Variants in C1orf21 observed in about 807,000 individuals in gnomAD.
The protein encoded by C1orf21 is chromosome 1 open reading frame 21.
In C1orf21, 3 loss-of-function variants were observed where a neutral mutation model predicts 18.7. The ratio of observed to expected loss-of-function variants is 0.16; its 90% CI spans 0.07 to 0.42. C1orf21 has a LOEUF of 0.42. C1orf21 is among the 10% of genes least tolerant of loss of function. The pLI, the probability that C1orf21 is intolerant of heterozygous loss-of-function variation, is 0.99. For synonymous variants in C1orf21, 41 were observed against 46.4 expected, an observed-to-expected ratio of 0.88 and a Z score of 0.47; for missense variants, 104 against 143.6, an observed-to-expected ratio of 0.72 and a Z score of 1.41.
chr1:184,531,815 C>T (rs1448950462), intron 3 of C1orf21, among the ~76,000 whole-genome samples: 3 of 152,114 alleles, frequency 2.0e-5, no homozygotes, highest in Non-Finnish European at 4.4e-5. Flanking sequence ...ATTAACAGTG[C>T]ACTTCCTACA....
chr1:184,594,479 A>T (rs1659486898), intron 4 of C1orf21, among the ~76,000 whole-genome samples: 1 of 152,260 alleles, frequency 6.6e-6, no homozygotes, highest in African/African-American at 2.4e-5. Flanking sequence ...ACATATTTGT[A>T]TACTAGGTTG....
Position 184,628,228 on chromosome 1 carries a change from G to C in C1orf21, c.*8672G>C, listed in dbSNP as rs1020706311. ...CCATCTGTTTCAATTACACATGCCT[G>C]TCAGCAAAAACTTCGTGAGATGCAC... is the stretch of plus-strand genomic sequence containing the variant. On this transcript the variant is annotated 3_prime_UTR_variant, in exon 6 of 6. Coordinates refer to ENST00000235307, the MANE Select transcript of C1orf21 (RefSeq NM_030806.4). The C allele has an allele frequency of 3.9e-5, 6 of 152,134 alleles. No individual in the cohort carries two copies. The highest frequency in any genetic ancestry group is 1.4e-4 in the African/African-American group (6 of 41,420). 9.4% of individuals were successfully genotyped at this position (152,134 alleles called of 1,614,324 possible).
chr1:184,433,277 C>T (rs1366555950), intron 1 of C1orf21, among the ~76,000 whole-genome samples: 2 of 151,810 alleles, frequency 1.3e-5, no homozygotes, highest in African/African-American at 4.8e-5. Context: ...CCAACAGTGG[C>T]ACTGGGGCTC....
At chr1:184,501,712 G>T (rs1657978880) in intron 2 of C1orf21, among the ~76,000 whole-genome samples, 1 of 152,178 alleles carries the variant, frequency 6.6e-6, no homozygotes, top group South Asian at 2.1e-4. Flanking sequence ...GATAGCAGGG[G>T]ATAGTGCCCA....
rs1656330605 is a variant in C1orf21, at chr1:184,410,652, T to A, written c.-125+23284T>A. On this transcript the variant is annotated intron_variant, in intron 1 of 5. Transcript: ENST00000235307. ...ATATATATATATATATATATATATA[T>A]ATATATATATATTTTTTTTTTTTTT... 2.8e-4 allele frequency among the ~76,000 whole-genome samples: 2 copies of A among 7,154 alleles called. 1 individual carries two copies. The highest frequency in any genetic ancestry group is 3.4e-3 in the African/African-American group (2 of 588). The allele number at this position is 7,154 out of a possible 152,430, so 4.7% of individuals were successfully genotyped here.
chr1:184,455,114 T>G (rs1657178721), intron 1 of C1orf21, among the ~76,000 whole-genome samples: 1 of 152,116 alleles, frequency 6.6e-6, no homozygotes, highest in South Asian at 2.1e-4. Flanking sequence ...AATAAACACT[T>G]TGGGCCATTC....
intron 1 of C1orf21, among the ~76,000 whole-genome samples, chr1:184,445,083 C>A (rs898050210): frequency 6.6e-6 from 1 of 152,088 alleles, no homozygotes; most frequent in Non-Finnish European, 1.5e-5. Flanking sequence ...GTAGAGACAA[C>A]GGTTGAGTTG....
chr1:184,566,687 G>A, intron 3 of C1orf21: 1 of 383,880 alleles, frequency 2.6e-6, no homozygotes, highest in South Asian at 2.4e-5. Flanking sequence ...TAGCCAAGAA[G>A]TGTCAAAAAG....
intron 1 of C1orf21, among the ~76,000 whole-genome samples, chr1:184,469,356 C>G (rs984531993): frequency 6.6e-6 from 1 of 152,142 alleles, no homozygotes; most frequent in Non-Finnish European, 1.5e-5. Context: ...CTTACATCTA[C>G]CTCAGTAACC....
intron 1 of C1orf21, among the ~76,000 whole-genome samples, chr1:184,462,909 C>G (rs1000702898): frequency 1.3e-5 from 2 of 151,760 alleles, no homozygotes; most frequent in African/African-American, 4.8e-5. Context: ...CAGTGAAACC[C>G]TGACTCTACT....
intron 3 of C1orf21, among the ~76,000 whole-genome samples, chr1:184,575,380 CAAG>C (rs1659171398): frequency 6.6e-6 from 1 of 151,778 alleles, no homozygotes; most frequent in Non-Finnish European, 1.5e-5. Flanking sequence ...GTTAAAAAGC[CAAG>C]AAGATGAAGG....
rs568781881 is a variant in C1orf21, at chr1:184,400,960, C to T, written c.-125+13592C>T. 4.6e-5 allele frequency among the ~76,000 whole-genome samples: 7 copies of T among 152,226 alleles called. No individual in the cohort carries two copies. In the East Asian group the frequency reaches 9.7e-4, roughly 21 times the overall value. Reference sequence around the variant, plus strand: ...TATGTGCTACATTATTTTGCATTCCCACTAACAAAATATGAGACTGCCTCT... The same window carrying T: ...TATGTGCTACATTATTTTGCATTCCTACTAACAAAATATGAGACTGCCTCT... On this transcript the variant is annotated intron_variant, in intron 1 of 5. Coordinates refer to ENST00000235307, the MANE Select transcript of C1orf21 (RefSeq NM_030806.4).
chr1:184,537,053 G>A (rs1477594950), intron 3 of C1orf21, among the ~76,000 whole-genome samples: 1 of 152,112 alleles, frequency 6.6e-6, no homozygotes, highest in Non-Finnish European at 1.5e-5. Flanking sequence ...GGCTATGCAA[G>A]GGGGAATTGA....
chr1:184,525,327 CTA>C (rs1207858353), intron 3 of C1orf21, among the ~76,000 whole-genome samples: 1 of 152,086 alleles, frequency 6.6e-6, no homozygotes, highest in Non-Finnish European at 1.5e-5. Flanking sequence ...GCTCTTCCTA[CTA>C]TATTTCAGTG....
At chr1:184,615,980 T>C (rs1659816639) in intron 5 of C1orf21, among the ~76,000 whole-genome samples, 1 of 152,204 alleles carries the variant, frequency 6.6e-6, no homozygotes, top group South Asian at 2.1e-4. Context: ...ATATACAATA[T>C]ATTACTACTA....
intron 3 of C1orf21, among the ~76,000 whole-genome samples, chr1:184,519,090 C>T (rs1345390751): frequency 1.3e-5 from 2 of 152,096 alleles, no homozygotes; most frequent in African/African-American, 4.8e-5. Flanking sequence ...GGCCAGTTTG[C>T]AGTATTTGTA....
chr1:184,584,979 C>G lies in C1orf21; in HGVS notation c.190-5760C>G, dbSNP rs1226989051. Reference sequence around the variant, plus strand: ...CTGGGATGATGGCACTATGTTGAAACTGGATTGTCGTGATGACTGCATAGC... The same window carrying G: ...CTGGGATGATGGCACTATGTTGAAAGTGGATTGTCGTGATGACTGCATAGC... On this transcript the variant is annotated intron_variant, in intron 3 of 5. Transcript: ENST00000235307. 5.3e-5 allele frequency among the ~76,000 whole-genome samples: 8 copies of G among 152,270 alleles called. No homozygotes were observed. The East Asian group carries it at 1.5e-3, about 29-fold the overall frequency.
intron 3 of C1orf21, among the ~76,000 whole-genome samples, chr1:184,513,902 CAG>C (rs1658187174): frequency 6.6e-6 from 1 of 152,168 alleles, no homozygotes; most frequent in South Asian, 2.1e-4. Flanking sequence ...GAAACCAAAA[CAG>C]AGAATCTTAG....
intron 1 of C1orf21, among the ~76,000 whole-genome samples, chr1:184,466,440 T>C (rs1657399911): frequency 1.3e-5 from 2 of 152,234 alleles, no homozygotes; most frequent in South Asian, 4.1e-4. Flanking sequence ...AGTTGCCTGC[T>C]TTTTGTTTTC....
Sources: allele counts gnomAD v4.1 joint callset (sites outside exome capture counted in the v4.1 genomes callset), GRCh38; gene constraint gnomAD v4.1.1; transcripts MANE v1.5; gene names NCBI Gene and HGNC (gene_info 2026-07-23, HGNC 2026-07-21).